The following SLC71A1 variants were observed in gnomAD, a reference collection of about 807,000 sequenced individuals.
The protein encoded by SLC71A1 is hippocampus abundant gene transcript 1.
the SLC71A1 span, among the ~76,000 whole-genome samples, chr1:100,063,059 T>G: frequency 2.0e-5 from 3 of 152,156 alleles, no homozygotes; most frequent in African/African-American, 7.2e-5. Context: ...ACCATAAAAT[T>G]TATCCTTTTT....
At chr1:100,073,609 C>A in the SLC71A1 span, among the ~76,000 whole-genome samples, 1 of 152,206 alleles carries the variant, frequency 6.6e-6, no homozygotes, top group Non-Finnish European at 1.5e-5. Flanking sequence ...CAGCTACAAC[C>A]TGGAATATCT....
At chr1:100,055,057 A>G in the SLC71A1 span, among the ~76,000 whole-genome samples, 746 of 152,352 alleles carry the variant, frequency 4.9e-3, 9 homozygotes, top group African/African-American at 0.018. Context: ...GAACAGATTG[A>G]TTGGAATGGA....
chr1:100,046,538 C>CT, the SLC71A1 span, among the ~76,000 whole-genome samples: 1 of 152,080 alleles, frequency 6.6e-6, no homozygotes, highest in South Asian at 2.1e-4. Context: ...CAGCCTTGTT[C>CT]TTTTTGCTCA....
chr1:100,038,354 C>T, the SLC71A1 span: 3 of 1,525,272 alleles, frequency 2.0e-6, no homozygotes, highest in South Asian at 1.2e-5. Flanking sequence ...TCCCTCGGGG[C>T]CCCCATCCGG....
chr1:100,061,732 G>T, the SLC71A1 span: 2 of 724,938 alleles, frequency 2.8e-6, no homozygotes, highest in South Asian at 1.6e-5. Context: ...GTAAGCTGTT[G>T]ACTGAAATGA....
the SLC71A1 span, among the ~76,000 whole-genome samples, chr1:100,067,100 A>G: frequency 6.6e-6 from 1 of 152,150 alleles, no homozygotes; most frequent in Admixed American, 6.5e-5. Context: ...GGCCTCCCCA[A>G]GTGCTGAGAT....
chr1:100,048,690 G>A, the SLC71A1 span, among the ~76,000 whole-genome samples: 1 of 152,110 alleles, frequency 6.6e-6, no homozygotes, highest in Non-Finnish European at 1.5e-5. Context: ...TACTTAAAAT[G>A]TTGGCGCTTC....
chr1:100,068,598 T>C, the SLC71A1 span: 4 of 1,427,944 alleles, frequency 2.8e-6, no homozygotes, highest in Non-Finnish European at 4.0e-6. Flanking sequence ...TAAAATCCTC[T>C]TCCACTAAGG....
the SLC71A1 span, among the ~76,000 whole-genome samples, chr1:100,049,733 C>G: frequency 1.3e-5 from 2 of 152,168 alleles, no homozygotes; most frequent in Non-Finnish European, 2.9e-5. Flanking sequence ...TTCGTTGTTG[C>G]CTTGTCTGTC....
chr1:100,049,457 G>T, the SLC71A1 span, among the ~76,000 whole-genome samples: 1 of 151,960 alleles, frequency 6.6e-6, no homozygotes, highest in Non-Finnish European at 1.5e-5. Flanking sequence ...ATGGAAGCTG[G>T]TCTTTGAGTA....
the SLC71A1 span, among the ~76,000 whole-genome samples, chr1:100,074,373 G>A: frequency 1.3e-5 from 2 of 151,990 alleles, no homozygotes; most frequent in African/African-American, 2.4e-5. Flanking sequence ...TCAGGAGTTC[G>A]AGACCAGCCT....
chr1:100,072,322 ATTCT>A, the SLC71A1 span, among the ~76,000 whole-genome samples: 1 of 152,138 alleles, frequency 6.6e-6, no homozygotes, highest in Non-Finnish European at 1.5e-5. Flanking sequence ...TGTTCCTGCT[ATTCT>A]TTCTGCCTCC....
At chr1:100,048,538 C>G in the SLC71A1 span, among the ~76,000 whole-genome samples, 5 of 152,158 alleles carry the variant, frequency 3.3e-5, no homozygotes, top group Non-Finnish European at 5.9e-5. Flanking sequence ...TACTAGGCAT[C>G]ACCTCCTCCT....
At chr1:100,046,174 A>G in the SLC71A1 span, among the ~76,000 whole-genome samples, 2 of 140,750 alleles carry the variant, frequency 1.4e-5, no homozygotes, top group East Asian at 4.4e-4. Flanking sequence ...ACTTTGTAGT[A>G]TAATTTGAAG....
the SLC71A1 span, among the ~76,000 whole-genome samples, chr1:100,056,181 G>A: frequency 4.0e-5 from 6 of 151,690 alleles, no homozygotes; most frequent in Non-Finnish European, 4.4e-5. Flanking sequence ...TACCCTTCCC[G>A]GCCTCTGGTA....
At chr1:100,041,204 C>G in the SLC71A1 span, among the ~76,000 whole-genome samples, 10 of 152,204 alleles carry the variant, frequency 6.6e-5, no homozygotes, top group African/African-American at 2.4e-4. Flanking sequence ...TCTAAATGAG[C>G]CAGATTAATC....
At chr1:100,061,347 A>G in the SLC71A1 span, among the ~76,000 whole-genome samples, 2 of 152,174 alleles carry the variant, frequency 1.3e-5, no homozygotes. Flanking sequence ...AAACTGAGTT[A>G]TTTGTTTTGC....
At chr1:100,069,464 G>A in the SLC71A1 span, 3 of 579,732 alleles carry the variant, frequency 5.2e-6, no homozygotes, top group South Asian at 6.9e-5. Context: ...AAGATATGTT[G>A]TATTTCCTCT....
chr1:100,038,343 G>A, the SLC71A1 span: 2 of 1,545,072 alleles, frequency 1.3e-6, no homozygotes, highest in Non-Finnish European at 1.8e-6. Flanking sequence ...GCCGGCGAGC[G>A]TCCCTCGGGG....
Sources: gnomAD v4.1 joint callset for allele counts (sites outside exome capture counted in the v4.1 genomes callset) on GRCh38, gnomAD v4.1.1 for gene constraint, MANE v1.5 for transcripts, NCBI Gene and HGNC (gene_info 2026-07-23, HGNC 2026-07-21) for gene names.